ANKAR: variants seen among roughly 807,000 people sequenced by gnomAD.
ANKAR encodes the protein ankyrin and armadillo repeat containing.
In ANKAR, 136 loss-of-function variants were observed where a neutral mutation model predicts 146.2. That is an observed-to-expected ratio of 0.93 (90% CI 0.81 to 1.07). The LOEUF (loss-of-function observed/expected upper bound fraction) is 1.07. ANKAR is among the 50% of genes least tolerant of loss of function. The pLI is 0.00. For synonymous variants in ANKAR, 500 were observed against 575.8 expected (o/e 0.87, Z 1.88); for missense variants, 1,567 against 1,679.9 (o/e 0.93, Z 1.18).
intron 9 of ANKAR, among the ~76,000 whole-genome samples, chr2:189,709,261 G>C (rs561471531): frequency 6.6e-6 from 1 of 152,252 alleles, no homozygotes; most frequent in East Asian, 1.9e-4. Context: ...TAAGAGGAAA[G>C]AGCAACGTTG....
intron 18 of ANKAR, among the ~76,000 whole-genome samples, chr2:189,759,342 G>A (rs58760391): frequency 1.5e-3 from 220 of 151,696 alleles, no homozygotes; most frequent in African/African-American, 4.8e-3. Flanking sequence ...TCCGCCTCCC[G>A]GGTTCACGCC....
At chr2:189,742,473 G>T (rs1038554758) in intron 20 of ANKAR, among the ~76,000 whole-genome samples, 1 of 152,092 alleles carries the variant, frequency 6.6e-6, no homozygotes, top group Non-Finnish European at 1.5e-5. Context: ...CTAGAGTCCT[G>T]TGGCCTGACA....
At position 189,689,783 on chromosome 2, in the gene ANKAR, G is replaced by C; in HGVS notation, c.858G>C (p.Gln286His). ...NQDYLDICTY[Q>H]RLQQRLYLQK... ...ATTATCTTGATATCTGTACCTACCAGAGACTACAGCAAAGATTATATCTTC... is the reference window on the plus strand; with the variant it reads ...ATTATCTTGATATCTGTACCTACCACAGACTACAGCAAAGATTATATCTTC... The change falls in exon 3 of 23, where the codon CAG becomes CAC. Residue 286 changes from glutamine (Q) to histidine (H), a missense_variant. By Grantham distance (24) the Gln-to-His change is conservative. Transcript: ENST00000684021. 6.2e-7 allele frequency: 1 copy of C among 1,609,960 alleles called. No homozygotes were observed. Among genetic ancestry groups the C allele is most frequent in the Non-Finnish European group, 8.5e-7 (1 of 1,178,254 alleles).
chr2:189,689,419 C>T (rs540205197), intron 2 of ANKAR, 108 bp from the exon 3 acceptor site: 21 of 931,902 alleles, frequency 2.3e-5, no homozygotes, highest in Non-Finnish European at 2.7e-5. Context: ...CCTTTACTGT[C>T]GTGATAGTAG....
At chr2:189,700,051 T>C (rs2037833427) in intron 7 of ANKAR, among the ~76,000 whole-genome samples, 1 of 152,080 alleles carries the variant, frequency 6.6e-6, no homozygotes, top group South Asian at 2.1e-4. Flanking sequence ...TTTTTTTTTT[T>C]ATTCTCTGAT....
chr2:189,746,691 T>C, downstream of ANKAR: 1 of 1,429,110 alleles, frequency 7.0e-7, no homozygotes, highest in Non-Finnish European at 9.3e-7. Flanking sequence ...TTTTTAATAA[T>C]GGTAATATGC....
At chr2:189,713,077 T>G (rs2039931172) in intron 10 of ANKAR, among the ~76,000 whole-genome samples, 1 of 151,270 alleles carries the variant, frequency 6.6e-6, no homozygotes, top group Non-Finnish European at 1.5e-5. Flanking sequence ...GAAAAAAGAG[T>G]AAGAAGAAAT....
Position 189,711,090 on chromosome 2 carries a change from G to T in ANKAR, c.2161G>T (p.Val721Phe). Residue 721 changes from valine (V) to phenylalanine (F), a missense_variant, in exon 10 of 23, where the codon GTC becomes TTC. Physicochemically the swap from Val to Phe is conservative, Grantham distance 50. Transcript: ENST00000684021. ...AAGCTATAAACGAAGGATGATGGCC[G>T]TCATGTCCTTGGAAGTAATTTGCTT... ...CESYKRRMMA[V>F]MSLEVICLAN... 6.2e-7 allele frequency: 1 copy of T among 1,613,988 alleles called. No individual in the cohort carries two copies. The highest frequency in any genetic ancestry group is 8.5e-7 in the Non-Finnish European group (1 of 1,179,916).
intron 20 of ANKAR, 116 bp from the exon 21 acceptor site, chr2:189,743,159 T>G: frequency 1.1e-6 from 1 of 924,566 alleles, no homozygotes; most frequent in South Asian, 1.7e-5. Context: ...GCATACATAT[T>G]TGCTTACACT....
chr2:189,686,392 A>C (rs1360967892), intron 2 of ANKAR, among the ~76,000 whole-genome samples: 1 of 152,212 alleles, frequency 6.6e-6, no homozygotes, highest in African/African-American at 2.4e-5. Flanking sequence ...TAAAAAGACT[A>C]TTTGACAAGA....
chr2:189,730,472 C>T, intron 15 of ANKAR, 23 bp from the exon 16 acceptor site: 1 of 1,432,186 alleles, frequency 7.0e-7, no homozygotes, highest in South Asian at 1.2e-5. Context: ...AAAATATTAC[C>T]TCACTGGCGT....
At chr2:189,705,820 G>T (rs73979026) in intron 8 of ANKAR, among the ~76,000 whole-genome samples, 1 of 152,184 alleles carries the variant, frequency 6.6e-6, no homozygotes, top group African/African-American at 2.4e-5. Flanking sequence ...TTAGGGTAAA[G>T]GTGTAACTTC....
Position 189,689,542 on chromosome 2 carries a change from C to G in ANKAR, c.617C>G (p.Thr206Arg), listed in dbSNP as rs746542282. 6.3e-7 allele frequency: 1 copy of G among 1,575,730 alleles called. No homozygotes were observed. Among genetic ancestry groups the G allele is most frequent in the South Asian group, 1.2e-5 (1 of 84,378 alleles). Residue 206 changes from threonine to arginine, a missense_variant, in exon 3 of 23, where the codon ACA (threonine) becomes AGA (arginine). Physicochemically the swap from Thr to Arg is moderately conservative, Grantham distance 71. Coordinates refer to ENST00000684021, the MANE Select transcript of ANKAR (RefSeq NM_001378068.1). ...EFSSAGLTDITKDPDFNEIYD... is the reference protein window; with the variant it reads ...EFSSAGLTDIRKDPDFNEIYD... Reference sequence around the variant, plus strand: ...TATCATGAAGGTTTGACTGATATTACAAAGGATCCAGACTTTAATGAAATC... The same window carrying G: ...TATCATGAAGGTTTGACTGATATTAGAAAGGATCCAGACTTTAATGAAATC...
chr2:189,742,844 A>C (rs1236250932), intron 20 of ANKAR, among the ~76,000 whole-genome samples: 5 of 35,070 alleles, frequency 1.4e-4, no homozygotes, highest in Non-Finnish European at 6.1e-4. Flanking sequence ...ACACACACAC[A>C]CACACACATT....
downstream of ANKAR, among the ~76,000 whole-genome samples, chr2:189,747,735 C>T (rs2044370283): frequency 6.6e-6 from 1 of 152,046 alleles, no homozygotes; most frequent in Admixed American, 6.6e-5. Context: ...CTCTGTCACC[C>T]AGGCTGGAGT....
In ANKAR at chr2:189,695,233, A is replaced by G. The variant is rs193293465; in HGVS notation, c.1488+72A>G. 130 of 1,254,886 alleles carry G rather than the reference A, an allele frequency of 1.0e-4. No individual in the cohort carries two copies. The African/African-American group carries it at 1.4e-3, about 13-fold the overall frequency. The allele number at this position is 1,254,886 out of a possible 1,614,324, so 77.7% of individuals were successfully genotyped here. A position where few individuals can be genotyped will look rare whatever the true frequency, so the allele number is the denominator to read the frequency against. ...ATTGATAAGTATGTGTCTCAAACAGATGTTTATCCTAGGGATAATAATAGG... is the reference window on the plus strand; with the variant it reads ...ATTGATAAGTATGTGTCTCAAACAGGTGTTTATCCTAGGGATAATAATAGG... On this transcript the variant is annotated intron_variant, in intron 6 of 22. Coordinates refer to ENST00000684021, the MANE Select transcript of ANKAR (RefSeq NM_001378068.1).
intron 6 of ANKAR, among the ~76,000 whole-genome samples, chr2:189,695,380 CGG>C (rs1559075000): frequency 6.6e-6 from 1 of 152,132 alleles, no homozygotes; most frequent in African/African-American, 2.4e-5. Flanking sequence ...ATCTCAATAA[CGG>C]CTTATACGTA....
At chr2:189,683,070 T>A (rs958079599) in intron 2 of ANKAR, among the ~76,000 whole-genome samples, 1 of 152,246 alleles carries the variant, frequency 6.6e-6, no homozygotes, top group South Asian at 2.1e-4. Flanking sequence ...AGCTGCCTTG[T>A]CCCTCCCACC....
intron 7 of ANKAR, among the ~76,000 whole-genome samples, chr2:189,697,378 G>A (rs2037381951): frequency 6.6e-6 from 1 of 151,960 alleles, no homozygotes; most frequent in African/African-American, 2.4e-5. Flanking sequence ...TGTCAGGAAT[G>A]GCCAATGCAA....
Sources: gnomAD v4.1 joint callset for allele counts (sites outside exome capture counted in the v4.1 genomes callset) on GRCh38, gnomAD v4.1.1 for gene constraint, MANE v1.5 for transcripts, NCBI Gene and HGNC (gene_info 2026-07-23, HGNC 2026-07-21) for gene names.